CYP4V2: variants seen among roughly 807,000 people sequenced by gnomAD.
CYP4V2 encodes the protein cytochrome P450 family 4 subfamily V member 2, also known as cytochrome P450 4V2.
In CYP4V2, 55 loss-of-function variants were observed where a neutral mutation model predicts 60.8. The ratio of observed to expected loss-of-function variants is 0.90; its 90% CI spans 0.73 to 1.13. The LOEUF is 1.13. Ranked by LOEUF, CYP4V2 falls within the 50% of genes most tolerant of loss-of-function variation. CYP4V2 has a pLI of 0.00. For missense variants in CYP4V2, 675 were observed against 662.9 expected (o/e 1.02, Z -0.20); for synonymous variants, 239 against 236.8 (o/e 1.01, Z -0.08).
chr4:186,197,293 G>A (rs1736179881), intron 4 of CYP4V2, 163 bp downstream of exon 4: 4 of 944,364 alleles, frequency 4.2e-6, no homozygotes, highest in Admixed American at 2.1e-5. Context: ...CAGCAGCCAC[G>A]CCCAGGGCTG....
intron 7 of CYP4V2, chr4:186,201,851 T>C (rs1253235491): frequency 6.5e-6 from 1 of 153,844 alleles, no homozygotes; most frequent in African/African-American, 2.4e-5. Context: ...ATATGTGAAG[T>C]ACATTTTAGC....
chr4:186,211,612 C>G lies in CYP4V2; in HGVS notation c.*971C>G, dbSNP rs1736721992. On this transcript the variant is annotated 3_prime_UTR_variant, in exon 11 of 11. Transcript: ENST00000378802. The stretch of plus-strand genomic sequence containing the variant: ...CAGGCATGAGCCACCATGCCTGGCC[C>G]AAAGTTCTAGAATTTTTTAAAGGTA... The G allele has an allele frequency of 2.0e-5, 3 of 151,334 alleles. No homozygotes were observed. Among genetic ancestry groups the G allele is most frequent in the African/African-American group, 7.3e-5 (3 of 41,074 alleles). 9.4% of individuals were successfully genotyped at this position (151,334 alleles called of 1,614,324 possible).
At chr4:186,196,339 C>A (rs1736145451) in intron 3 of CYP4V2, 3 of 529,690 alleles carry the variant, frequency 5.7e-6, no homozygotes, top group Non-Finnish European at 1.0e-5. Flanking sequence ...CAGGAAGACT[C>A]AGGAGGTCCT....
intron 1 of CYP4V2, chr4:186,192,356 C>T (rs775811971): frequency 2.4e-4 from 137 of 578,502 alleles, no homozygotes; most frequent in Admixed American, 5.4e-4. Context: ...CTTGGGAAGC[C>T]TTAGGAACAG....
At position 186,205,204 on chromosome 4, in the gene CYP4V2, A is replaced by C. The variant is rs199476197; in HGVS notation, c.992A>C (p.His331Pro). ...TATTGTTTTCTGCATTTGTAGGGGCACGATACAACTGCAGCTGCAATAAAC... is the reference window on the plus strand; with the variant it reads ...TATTGTTTTCTGCATTTGTAGGGGCCCGATACAACTGCAGCTGCAATAAAC... ...EEVDTFMFEG[H>P]DTTAAAINWS... Residue 331 changes from histidine to proline, a missense_variant, in exon 8 of 11, where the codon CAC (histidine) becomes CCC (proline). His to Pro is a moderately conservative substitution (Grantham distance 77). Coordinates refer to ENST00000378802, the MANE Select transcript of CYP4V2 (RefSeq NM_207352.4). 1.3e-5 allele frequency: 21 copies of C among 1,614,076 alleles called. No individual in the cohort carries two copies. In the East Asian group the frequency reaches 4.7e-4, roughly 36 times the overall value.
intron 7 of CYP4V2, chr4:186,204,960 C>T (rs1313500302): frequency 1.4e-5 from 8 of 557,762 alleles, no homozygotes; most frequent in South Asian, 9.7e-5. Flanking sequence ...AGCACAGGCA[C>T]GTCCCACCAG....
intron 8 of CYP4V2, among the ~76,000 whole-genome samples, 167 bp downstream of exon 8, chr4:186,205,469 C>T (rs1013132615): frequency 2.0e-5 from 3 of 152,210 alleles, no homozygotes; most frequent in Admixed American, 2.0e-4. Flanking sequence ...CTCTGCCAGT[C>T]GCCTGGCAAG....
chr4:186,209,778 T>C lies in CYP4V2; in HGVS notation c.1405+506T>C, dbSNP rs191794337. On this transcript the variant is annotated intron_variant, in intron 10 of 10. Transcript: ENST00000378802. ...CCAAATACAGTCATATTCTAAGGTA[T>C]GGGGGGGGCTTAGAATTTGGAGAGA... Among the ~76,000 whole-genome samples, 406 of 152,044 alleles carry C rather than the reference T, an allele frequency of 2.7e-3. 3 individuals carry two copies. The highest frequency in any genetic ancestry group is 9.3e-3 in the African/African-American group (386 of 41,456).
At chr4:186,198,876 A>T in intron 5 of CYP4V2, 81 bp from the exon 6 acceptor site, 1 of 1,607,442 alleles carries the variant, frequency 6.2e-7, no homozygotes, top group Admixed American at 1.7e-5. Flanking sequence ...GATTGCCTTC[A>T]TCAAGGCCAG....
In CYP4V2 at chr4:186,210,791, A is replaced by G; in HGVS notation, c.*150A>G. On this transcript the variant is annotated 3_prime_UTR_variant, in exon 11 of 11. Coordinates refer to ENST00000378802, the MANE Select transcript of CYP4V2 (RefSeq NM_207352.4). ...CCCACTGATCTTGACATCAAGTCTA[A>G]CAAAGAAAAAGTTTTGAGTTTTGTA... 1.1e-6 allele frequency: 1 copy of G among 913,602 alleles called. No individual in the cohort carries two copies. Among genetic ancestry groups the G allele is most frequent in the Non-Finnish European group, 1.6e-6 (1 of 608,966 alleles). 56.6% of individuals were successfully genotyped at this position (913,602 alleles called of 1,614,324 possible). A position where few individuals can be genotyped will look rare whatever the true frequency, so the allele number is the denominator to read the frequency against.
chr4:186,208,417 G>A (rs996720684), intron 8 of CYP4V2, among the ~76,000 whole-genome samples: 23 of 150,558 alleles, frequency 1.5e-4, no homozygotes, highest in Non-Finnish European at 2.7e-4. Context: ...CTTCTTTGAT[G>A]GGCATTTGAT....
intron 2 of CYP4V2, among the ~76,000 whole-genome samples, 191 bp downstream of exon 2, chr4:186,194,803 C>G (rs141531679): frequency 6.6e-6 from 1 of 152,322 alleles, no homozygotes; most frequent in African/African-American, 2.4e-5. Flanking sequence ...GATTAACATT[C>G]TCCAGATATA....
At chr4:186,204,849 G>T (rs1293617709) in intron 7 of CYP4V2, 3 of 367,126 alleles carry the variant, frequency 8.2e-6, no homozygotes. Context: ...GGAAGGCAGA[G>T]AAGTACAGCC....
At chr4:186,196,730 C>CAT in intron 3 of CYP4V2, 1 of 554,996 alleles carries the variant, frequency 1.8e-6, no homozygotes, top group South Asian at 2.6e-5. Context: ...CCAAAATACT[C>CAT]ATATTTTGTA....
chr4:186,196,885 TTTC>T (rs1736163318), intron 3 of CYP4V2, 52 bp from the exon 4 acceptor site: 1 of 1,521,588 alleles, frequency 6.6e-7, no homozygotes, highest in South Asian at 1.2e-5. Context: ...TACTTTTCTC[TTTC>T]TCTCTCTCTC....
intron 8 of CYP4V2, among the ~76,000 whole-genome samples, chr4:186,206,219 GTGTGTGTGCA>G (rs1038166276): frequency 6.6e-5 from 10 of 152,326 alleles, no homozygotes; most frequent in Non-Finnish European, 1.3e-4. Flanking sequence ...TGTGGTGTGT[GTGTGTGTGCA>G]TGTGTGTGCT....
At chr4:186,210,163 T>C (rs1736660028) in intron 10 of CYP4V2, among the ~76,000 whole-genome samples, 1 of 152,162 alleles carries the variant, frequency 6.6e-6, no homozygotes, top group South Asian at 2.1e-4. Flanking sequence ...GGTGAATCCA[T>C]AGTAAATGAA....
chr4:186,192,234 C>T (rs1452458187), intron 1 of CYP4V2, 197 bp downstream of exon 1: 1 of 748,566 alleles, frequency 1.3e-6, no homozygotes, highest in Non-Finnish European at 2.3e-6. Context: ...CCAAAGTGAG[C>T]ATTTTCTTTG....
chr4:186,205,190 G>A lies in CYP4V2; in HGVS notation c.988-10G>A. On this transcript the variant is annotated splice_polypyrimidine_tract_variant and intron_variant, in intron 7 of 10. Coordinates refer to ENST00000378802, the MANE Select transcript of CYP4V2 (RefSeq NM_207352.4). ...TCTGCTTTTTAAGCTATTGTTTTCT[G>A]CATTTGTAGGGGCACGATACAACTG... is the stretch of plus-strand genomic sequence containing the variant. The A allele has an allele frequency of 6.2e-7, 1 of 1,613,876 alleles. No individual in the cohort carries two copies. The highest frequency in any genetic ancestry group is 1.1e-5 in the South Asian group (1 of 91,082).
Sources: allele counts gnomAD v4.1 joint callset (sites outside exome capture counted in the v4.1 genomes callset), GRCh38; gene constraint gnomAD v4.1.1; transcripts MANE v1.5; gene names NCBI Gene and HGNC (gene_info 2026-07-23, HGNC 2026-07-21).